The following SPTBN1 variants were observed in gnomAD, a reference collection of about 807,000 sequenced individuals.
SPTBN1 encodes spectrin beta chain, non-erythrocytic 1.
SPTBN1 carries 32 observed loss-of-function variants against 266.4 expected under a neutral mutation model. The observed-to-expected ratio is 0.12, with a 90% CI of 0.09 to 0.16. The LOEUF is 0.16. Ranked by LOEUF, SPTBN1 falls within the 10% of genes least tolerant of loss-of-function variation. The probability of loss-of-function intolerance (pLI) is 1.00; values close to 1 mark genes in which losing one functional copy is unlikely to be tolerated. For synonymous variants in SPTBN1, 1,336 were observed against 1,162.2 expected, an observed-to-expected ratio of 1.15 and a Z score of -3.04; for missense variants, 2,296 against 3,067.1, an observed-to-expected ratio of 0.75 and a Z score of 5.94.
At chr2:54,573,559 C>T (rs1217829053) in intron 2 of SPTBN1, among the ~76,000 whole-genome samples, 16 of 152,150 alleles carry the variant, frequency 1.1e-4, no homozygotes, top group Non-Finnish European at 1.3e-4. Flanking sequence ...ACCCCTGACT[C>T]GGTGATTCAG....
At chr2:54,660,092 A>T (rs1438939814) in intron 32 of SPTBN1, 93 bp downstream of exon 32, 5 of 1,612,040 alleles carry the variant, frequency 3.1e-6, no homozygotes, top group Non-Finnish European at 4.2e-6. Flanking sequence ...TGTGAAGTTC[A>T]CTACCATTTG....
intron 18 of SPTBN1, 120 bp from the exon 19 acceptor site, chr2:54,642,862 TG>T: frequency 7.9e-7 from 1 of 1,260,240 alleles, no homozygotes; most frequent in Non-Finnish European, 1.1e-6. Flanking sequence ...AATATTTGGT[TG>T]TCTGTCACCA....
chr2:54,635,390 A>G (rs1679050215), intron 17 of SPTBN1, among the ~76,000 whole-genome samples: 1 of 152,186 alleles, frequency 6.6e-6, no homozygotes, highest in African/African-American at 2.4e-5. Context: ...TTCACACCAC[A>G]CGAAGGCCGT....
chr2:54,654,597 T>C (rs1680526469), intron 27 of SPTBN1, among the ~76,000 whole-genome samples: 2 of 152,198 alleles, frequency 1.3e-5, no homozygotes, highest in South Asian at 4.1e-4. Flanking sequence ...CTAGTTCCCA[T>C]CCTGTGTATC....
At chr2:54,467,259 C>CTT (rs1350629067) in intron 1 of SPTBN1, among the ~76,000 whole-genome samples, 1 of 151,006 alleles carries the variant, frequency 6.6e-6, no homozygotes, top group African/African-American at 2.4e-5. Context: ...GGTGGGGGGG[C>CTT]TTTTTTCTCT....
chr2:54,477,909 T>C (rs1667918346), intron 1 of SPTBN1, among the ~76,000 whole-genome samples: 1 of 143,878 alleles, frequency 7.0e-6, no homozygotes, highest in Non-Finnish European at 1.5e-5. Context: ...AGAGTCCATC[T>C]CAAAAAAAAA....
At chr2:54,485,502 G>C (rs1407062429) in intron 1 of SPTBN1, among the ~76,000 whole-genome samples, 2 of 152,214 alleles carry the variant, frequency 1.3e-5, no homozygotes, top group South Asian at 2.1e-4. Flanking sequence ...GCTCAATGGT[G>C]CCCAGGCTGG....
At chr2:54,581,464 T>C (rs943422423) in intron 2 of SPTBN1, among the ~76,000 whole-genome samples, 5 of 152,132 alleles carry the variant, frequency 3.3e-5, no homozygotes, top group African/African-American at 1.2e-4. Context: ...CAGGGAATCA[T>C]GGCTGACATT....
intron 1 of SPTBN1, among the ~76,000 whole-genome samples, chr2:54,499,880 G>C (rs1322345414): frequency 6.6e-6 from 1 of 152,222 alleles, no homozygotes; most frequent in Non-Finnish European, 1.5e-5. Context: ...AACTTTTCCA[G>C]TGTTTGTTAA....
At position 54,653,514 on chromosome 2, in the gene SPTBN1, C is replaced by T; in HGVS notation, c.5578-95C>T. On this transcript the variant is annotated intron_variant, in intron 26 of 35. Coordinates refer to ENST00000356805, the MANE Select transcript of SPTBN1 (RefSeq NM_003128.3). The surrounding 1 kb of genome is among the most constrained non-coding windows in gnomAD (Gnocchi z 5.1). ...ATGGGCCATATTTTGACTCTGTGCT[C>T]CCTTTAGTGTATGAGCAGAACAGAA... 6.5e-7 allele frequency: 1 copy of T among 1,530,630 alleles called. No homozygotes were observed. The highest frequency in any genetic ancestry group is 8.7e-7 in the Non-Finnish European group (1 of 1,146,518). 94.8% of individuals were successfully genotyped at this position (1,530,630 alleles called of 1,614,324 possible). A position where few individuals can be genotyped will look rare whatever the true frequency, so the allele number is the denominator to read the frequency against.
At chr2:54,566,324 A>C (rs989568281) in intron 2 of SPTBN1, among the ~76,000 whole-genome samples, 21 of 150,288 alleles carry the variant, frequency 1.4e-4, no homozygotes, top group Non-Finnish European at 3.0e-4. Flanking sequence ...AGTAGCTGGG[A>C]TTATAGGCGC....
At chr2:54,480,361 C>T (rs1349215851) in intron 1 of SPTBN1, among the ~76,000 whole-genome samples, 1 of 152,130 alleles carries the variant, frequency 6.6e-6, no homozygotes, top group Non-Finnish European at 1.5e-5. Context: ...TTAGGAAAAA[C>T]AAAATCAAAC....
In SPTBN1 at chr2:54,554,379, G is replaced by C. The variant is rs1036853634; in HGVS notation, c.148+27813G>C. On this transcript the variant is annotated intron_variant, in intron 2 of 35. Coordinates refer to ENST00000356805, the MANE Select transcript of SPTBN1 (RefSeq NM_003128.3). The surrounding 1 kb of genome is among the most constrained non-coding windows in gnomAD (Gnocchi z 4.5). Reference sequence around the variant, plus strand: ...TGGTTGCAAAATGGTGACCATACCTGCCTCACAGGGTTAGTCACTTGAGAA... The same window carrying C: ...TGGTTGCAAAATGGTGACCATACCTCCCTCACAGGGTTAGTCACTTGAGAA... Among the ~76,000 whole-genome samples the C allele has an allele frequency of 6.6e-6, 1 of 152,162 alleles. No individual in the cohort carries two copies. Among genetic ancestry groups the C allele is most frequent in the South Asian group, 2.1e-4 (1 of 4,834 alleles).
chr2:54,593,469 G>A (rs1051778599), intron 2 of SPTBN1, among the ~76,000 whole-genome samples: 4 of 152,064 alleles, frequency 2.6e-5, no homozygotes, highest in Admixed American at 6.5e-5. Flanking sequence ...CAGCTGCCTC[G>A]AGTCCTGGGT....
intron 17 of SPTBN1, among the ~76,000 whole-genome samples, chr2:54,633,574 T>G (rs1285180864): frequency 6.6e-6 from 1 of 152,184 alleles, no homozygotes; most frequent in African/African-American, 2.4e-5. Context: ...AGGGGTTGGA[T>G]GCACTAGCAC....
intron 2 of SPTBN1, chr2:54,535,239 T>C (rs1054693770): frequency 6.6e-6 from 1 of 152,260 alleles, no homozygotes; most frequent in African/African-American, 2.4e-5. Flanking sequence ...ACATATCAGC[T>C]TTATTGCAGT....
intron 3 of SPTBN1, among the ~76,000 whole-genome samples, chr2:54,605,251 G>A (rs1281373499): frequency 6.6e-6 from 1 of 152,190 alleles, no homozygotes; most frequent in South Asian, 2.1e-4. Context: ...CCAGCCACCA[G>A]ATGGGAACCG....
intron 1 of SPTBN1, among the ~76,000 whole-genome samples, chr2:54,462,223 A>G (rs1193908961): frequency 6.6e-6 from 1 of 152,198 alleles, no homozygotes; most frequent in Non-Finnish European, 1.5e-5. Context: ...TTCTGTTGGG[A>G]CTGCCTAAGC....
At chr2:54,640,169 C>T (rs906654098) in intron 18 of SPTBN1, among the ~76,000 whole-genome samples, 1 of 152,072 alleles carries the variant, frequency 6.6e-6, no homozygotes, top group Admixed American at 6.6e-5. Flanking sequence ...CCCTTTTAAG[C>T]CAGAATCTTT....
Sources: gnomAD v4.1 joint callset for allele counts (sites outside exome capture counted in the v4.1 genomes callset) on GRCh38, gnomAD v4.1.1 for gene constraint, Gnocchi (gnomAD v3.1) non-coding constraint, MANE v1.5 for transcripts, NCBI Gene and HGNC (gene_info 2026-07-23, HGNC 2026-07-21) for gene names.